The following ATM variants were observed in gnomAD, a reference collection of about 807,000 sequenced individuals.
ATM encodes the protein ATM serine/threonine kinase, also known as serine-protein kinase ATM.
A neutral mutation model predicts 387.0 loss-of-function variants in ATM; 308 were observed. The ratio of observed to expected loss-of-function variants is 0.80; its 90% CI spans 0.73 to 0.87. ATM has a LOEUF of 0.87. Among genes scored for constraint, ATM ranks in the 40% least tolerant of loss-of-function variants. The pLI is 0.00. For missense variants in ATM, 3,312 were observed against 3,560.9 expected, an observed-to-expected ratio of 0.93 and a Z score of 1.78; for synonymous variants, 1,156 against 1,187.3, an observed-to-expected ratio of 0.97 and a Z score of 0.54.
chr11:108,332,999 C>A (rs1181902896), intron 53 of ATM, 99 bp downstream of exon 53: 1 of 1,431,390 alleles, frequency 7.0e-7, no homozygotes, highest in Non-Finnish European at 9.6e-7. Context: ...TGCTTAAAAT[C>A]ACAAACGTAA....
At chr11:108,312,800 A>G (rs1471889813) in intron 40 of ATM, among the ~76,000 whole-genome samples, 12 of 152,144 alleles carry the variant, frequency 7.9e-5, no homozygotes, top group Admixed American at 7.2e-4. Context: ...TATAGCACTT[A>G]GGGTTTATAA....
intron 40 of ATM, among the ~76,000 whole-genome samples, chr11:108,315,185 A>G (rs2136106157): frequency 6.6e-6 from 1 of 152,370 alleles, no homozygotes; most frequent in African/African-American, 2.4e-5. Context: ...GTCACATGGC[A>G]TTTTAAGCAG....
At chr11:108,260,441 G>A (rs1331004883) in intron 16 of ATM, among the ~76,000 whole-genome samples, 1 of 152,184 alleles carries the variant, frequency 6.6e-6, no homozygotes, top group Non-Finnish European at 1.5e-5. Flanking sequence ...TTGTATTTGT[G>A]TGTATGATGG....
At chr11:108,288,879 G>C (rs890329049) in intron 27 of ATM, 98 bp from the exon 28 acceptor site, 9 of 1,422,768 alleles carry the variant, frequency 6.3e-6, no homozygotes, top group African/African-American at 1.4e-5. Context: ...TTTGAATTTG[G>C]GGGTTATTAA....
rs1591660560 is a variant in ATM, at chr11:108,289,039, C to T, written c.4172C>T (p.Ala1391Val). The change falls in exon 28 of 63, where the codon GCC becomes GTC. Residue 1391 changes from alanine to valine, a missense_variant. By Grantham distance (64) the Ala-to-Val change is moderately conservative. Transcript: ENST00000675843. Reference sequence around the variant, plus strand: ...TCGCATGTGATTAAAGCAACATTTGCCTATATCAGCAATTGTCATAAAACC... The same window carrying T: ...TCGCATGTGATTAAAGCAACATTTGTCTATATCAGCAATTGTCATAAAACC... ...FPSHVIKATF[A>V]YISNCHKTKL... 6.2e-7 allele frequency: 1 copy of T among 1,613,124 alleles called. No individual in the cohort carries two copies. Among genetic ancestry groups the T allele is most frequent in the Non-Finnish European group, 8.5e-7 (1 of 1,179,314 alleles).
At chr11:108,351,496 G>A (rs2089196548) in intron 59 of ATM, among the ~76,000 whole-genome samples, 1 of 152,222 alleles carries the variant, frequency 6.6e-6, no homozygotes, top group South Asian at 2.1e-4. Context: ...CAGCTGGACA[G>A]TTTTCACTTA....
At chr11:108,264,498 A>G (rs1243092610) in intron 16 of ATM, among the ~76,000 whole-genome samples, 5 of 152,194 alleles carry the variant, frequency 3.3e-5, no homozygotes, top group African/African-American at 9.7e-5. Context: ...AATAAGAGCT[A>G]TCTATGACAG....
chr11:108,252,606 C>G (rs961774793), intron 11 of ATM, among the ~76,000 whole-genome samples: 32 of 152,080 alleles, frequency 2.1e-4, no homozygotes, highest in Non-Finnish European at 4.1e-4. Context: ...CATGCTGTTT[C>G]TAAACAGTAT....
rs1057517140 is a variant in ATM at position 108,287,621 on chromosome 11, AATTTACCAGAG to A, written c.4019_4029del (p.Leu1340CysfsTer10). On this transcript the variant is annotated frameshift_variant, in exon 27 of 63. Coordinates refer to ENST00000675843, the MANE Select transcript of ATM (RefSeq NM_000051.4). LOFTEE classifies it high-confidence loss of function. ...GCAGATTGATCACTTATTCATTAGT[AATTTACCAGAG>A]ATTGTGGTGGAGTTATTGATGACGT... 2.5e-6 allele frequency: 4 copies of A among 1,612,650 alleles called. No homozygotes were observed. In the African/African-American group the frequency reaches 5.3e-5, roughly 22 times the overall value.
At chr11:108,291,311 A>G (rs2082783525) in intron 29 of ATM, among the ~76,000 whole-genome samples, 1 of 152,244 alleles carries the variant, frequency 6.6e-6, no homozygotes, top group South Asian at 2.1e-4. Context: ...TTTTCCATTG[A>G]TTTTAATGAG....
chr11:108,297,010 GTTTGTGA>G (rs1251846740), intron 32 of ATM: 1 of 387,792 alleles, frequency 2.6e-6, no homozygotes. Flanking sequence ...TTGTGCTTCT[GTTTGTGA>G]TTTTGCTAAG....
At chr11:108,321,628 C>A (rs1304301058) in intron 45 of ATM, among the ~76,000 whole-genome samples, 1 of 151,964 alleles carries the variant, frequency 6.6e-6, no homozygotes, top group South Asian at 2.1e-4. Flanking sequence ...ACTAAAAATA[C>A]AAAAATTAGC....
chr11:108,334,082 A>G, intron 54 of ATM, 114 bp downstream of exon 54: 1 of 792,900 alleles, frequency 1.3e-6, no homozygotes, highest in Non-Finnish European at 2.1e-6. Flanking sequence ...GGCAAATTTC[A>G]TATGTTTCAA....
At chr11:108,269,721 G>C (rs950756664) in intron 18 of ATM, among the ~76,000 whole-genome samples, 9 of 152,154 alleles carry the variant, frequency 5.9e-5, no homozygotes, top group African/African-American at 1.9e-4. Context: ...CACATGCCTG[G>C]TGAGTCCCTA....
intron 5 of ATM, among the ~76,000 whole-genome samples, chr11:108,243,108 C>T (rs2079648924): frequency 6.6e-6 from 1 of 151,976 alleles, no homozygotes; most frequent in Admixed American, 6.6e-5. Context: ...GACCCAGCTA[C>T]TTGGGAGGCT....
At chr11:108,364,404 C>A (rs1478254823) in intron 61 of ATM, among the ~76,000 whole-genome samples, 1 of 152,136 alleles carries the variant, frequency 6.6e-6, no homozygotes, top group Non-Finnish European at 1.5e-5. Context: ...AACTCACTTT[C>A]TAAAATTTAC....
At chr11:108,350,212 C>T (rs1166917166) in intron 59 of ATM, among the ~76,000 whole-genome samples, 1 of 152,056 alleles carries the variant, frequency 6.6e-6, no homozygotes, top group Non-Finnish European at 1.5e-5. Flanking sequence ...TCCAGCAGTC[C>T]TCAACATCCT....
rs1367617850 is a variant in ATM, at chr11:108,325,343, T to C, written c.6606T>C (p.Tyr2202=). ...CACATAGACAACTCTCTGAAGTATATATTAAGTGGCAGAAACACTCCCAGC... is the reference window on the plus strand; with the variant it reads ...CACATAGACAACTCTCTGAAGTATACATTAAGTGGCAGAAACACTCCCAGC... ...SVTHRQLSEV[Y]IKWQKHSQLL... Residue 2202 remains tyrosine (Y), a synonymous_variant, in exon 46 of 63, where the codon TAT becomes TAC. Coordinates refer to ENST00000675843, the MANE Select transcript of ATM (RefSeq NM_000051.4). 6.2e-7 allele frequency: 1 copy of C among 1,610,826 alleles called. No homozygotes were observed. Among genetic ancestry groups the C allele is most frequent in the South Asian group, 1.1e-5 (1 of 90,928 alleles).
chr11:108,329,347 T>A, intron 49 of ATM, 109 bp downstream of exon 49: 1 of 1,023,080 alleles, frequency 9.8e-7, no homozygotes, highest in Non-Finnish European at 1.5e-6. Flanking sequence ...TTTTGAGCTC[T>A]AAAGGTCGGC....
Sources: gnomAD v4.1 joint callset for allele counts (sites outside exome capture counted in the v4.1 genomes callset) on GRCh38, gnomAD v4.1.1 for gene constraint, MANE v1.5 for transcripts, NCBI Gene and HGNC (gene_info 2026-07-23, HGNC 2026-07-21) for gene names.